ZBTB7C: variants seen among roughly 807,000 people sequenced by gnomAD.
The protein encoded by ZBTB7C is zinc finger and BTB domain containing 7C, also known as zinc finger and BTB domain-containing protein 7C.
A neutral mutation model predicts 25.7 loss-of-function variants in ZBTB7C; 8 were observed. That is an observed-to-expected ratio of 0.31 (90% CI 0.18 to 0.56). The LOEUF (loss-of-function observed/expected upper bound fraction) is 0.56. Ranked by LOEUF, ZBTB7C falls within the 20% of genes least tolerant of loss-of-function variation. ZBTB7C has a pLI of 0.91. For synonymous variants in ZBTB7C, 394 were observed against 369.0 expected (o/e 1.07, Z -0.78); for missense variants, 824 against 855.2 (o/e 0.96, Z 0.46).
intron 1 of ZBTB7C, chr18:48,350,672 C>CGGAA (rs2046843970): frequency 1.0e-5 from 1 of 95,508 alleles, no homozygotes; most frequent in Admixed American, 1.3e-4. Flanking sequence ...GGTGCCCTTC[C>CGGAA]ACCCCTGTCG....
chr18:48,399,541 G>C (rs1445282977), intron 1 of ZBTB7C, among the ~76,000 whole-genome samples: 1 of 152,124 alleles, frequency 6.6e-6, no homozygotes, highest in Admixed American at 6.5e-5. Flanking sequence ...GTGGGGTGGC[G>C]GGTGGCAGCT....
At chr18:48,118,987 T>C (rs574497998) in intron 3 of ZBTB7C, among the ~76,000 whole-genome samples, 3 of 152,294 alleles carry the variant, frequency 2.0e-5, no homozygotes, top group East Asian at 1.9e-4. Context: ...AAATTTTCTA[T>C]AATAAATTAT....
intron 3 of ZBTB7C, among the ~76,000 whole-genome samples, chr18:48,160,820 G>T (rs183204378): frequency 6.6e-6 from 1 of 152,198 alleles, no homozygotes; most frequent in South Asian, 2.1e-4. Flanking sequence ...GGGGGGCCAG[G>T]TGGCCTTCTT....
intron 2 of ZBTB7C, among the ~76,000 whole-genome samples, chr18:48,269,906 T>G (rs2044423846): frequency 6.6e-6 from 1 of 152,158 alleles, no homozygotes. Context: ...AATAACCTAG[T>G]AAATGACAAA....
chr18:48,125,689 C>A (rs181724686), intron 3 of ZBTB7C, among the ~76,000 whole-genome samples: 1 of 152,270 alleles, frequency 6.6e-6, no homozygotes, highest in Admixed American at 6.5e-5. Context: ...CAGGGAAGAA[C>A]TTTTAGACCA....
chr18:48,115,558 CACACACACAA>C (rs2039407353), intron 3 of ZBTB7C, among the ~76,000 whole-genome samples: 1 of 152,160 alleles, frequency 6.6e-6, no homozygotes, highest in Non-Finnish European at 1.5e-5. Flanking sequence ...CCTTTACACA[CACACACACAA>C]ACACACACAC....
chr18:48,399,189 C>A (rs1182870101), intron 1 of ZBTB7C, among the ~76,000 whole-genome samples: 1 of 152,170 alleles, frequency 6.6e-6, no homozygotes, highest in East Asian at 1.9e-4. Flanking sequence ...TGCACACATA[C>A]ACACATATGT....
chr18:48,333,513 A>C (rs915139624), intron 2 of ZBTB7C, among the ~76,000 whole-genome samples: 1 of 152,194 alleles, frequency 6.6e-6, no homozygotes, highest in Non-Finnish European at 1.5e-5. Context: ...ACTTAAAAGA[A>C]CTGCACTGGG....
intron 2 of ZBTB7C, among the ~76,000 whole-genome samples, chr18:48,323,087 G>T (rs1222703723): frequency 6.6e-6 from 1 of 152,066 alleles, no homozygotes; most frequent in East Asian, 1.9e-4. Context: ...CTACAAATTG[G>T]GTTCAGTGTA....
chr18:48,282,398 A>T (rs1598773449), intron 2 of ZBTB7C, among the ~76,000 whole-genome samples: 1 of 151,796 alleles, frequency 6.6e-6, no homozygotes, highest in Non-Finnish European at 1.5e-5. Flanking sequence ...CCAACATGGC[A>T]CATGTATACA....
At chr18:48,351,862 G>A (rs992093797) in intron 1 of ZBTB7C, among the ~76,000 whole-genome samples, 6 of 152,238 alleles carry the variant, frequency 3.9e-5, no homozygotes, top group South Asian at 2.1e-4. Flanking sequence ...TCCTACCCTC[G>A]GGGAGATTTC....
At chr18:48,143,341 G>C (rs1003118489) in intron 3 of ZBTB7C, among the ~76,000 whole-genome samples, 9 of 152,160 alleles carry the variant, frequency 5.9e-5, no homozygotes, top group African/African-American at 2.2e-4. Flanking sequence ...GCAGGGGAAA[G>C]ATTTAATTCT....
chr18:48,330,576 T>C (rs1568380371), intron 2 of ZBTB7C, among the ~76,000 whole-genome samples: 1 of 151,800 alleles, frequency 6.6e-6, no homozygotes, highest in Non-Finnish European at 1.5e-5. Flanking sequence ...ATGATGATGA[T>C]GATGACAAAC....
At chr18:48,165,499 C>T (rs2144983373) in intron 3 of ZBTB7C, 1 of 252,458 alleles carries the variant, frequency 4.0e-6, no homozygotes, top group Non-Finnish European at 7.9e-6. Context: ...TCAGCACCTG[C>T]TCTAGTCCTT....
intron 3 of ZBTB7C, among the ~76,000 whole-genome samples, chr18:48,134,831 A>C (rs374146215): frequency 9.2e-5 from 14 of 152,342 alleles, no homozygotes; most frequent in African/African-American, 3.4e-4. Flanking sequence ...GAAACCCACA[A>C]CTGTAAACCC....
chr18:48,308,979 C>A lies in ZBTB7C; in HGVS notation c.-79+29195G>T, dbSNP rs1461611062. On this transcript the variant is annotated intron_variant, in intron 2 of 4. Coordinates refer to ENST00000590800, the MANE Select transcript of ZBTB7C (RefSeq NM_001318841.2). The stretch of plus-strand genomic sequence containing the variant: ...TGAGGCTGGGCTGGGACCCCAGGAG[C>A]CCTACAGAAGGTGAGGTCTACCTGA... 2.6e-5 allele frequency among the ~76,000 whole-genome samples: 4 copies of A among 152,292 alleles called. No individual in the cohort carries two copies. In the East Asian group the frequency reaches 5.8e-4, roughly 22 times the overall value.
chr18:48,042,026 C>T (rs1024379518), intron 3 of ZBTB7C, among the ~76,000 whole-genome samples: 5 of 152,140 alleles, frequency 3.3e-5, no homozygotes, highest in East Asian at 1.9e-4. Flanking sequence ...AAGCAGGGCA[C>T]GACAGGGGAC....
chr18:48,119,413 C>G (rs2039552086), intron 3 of ZBTB7C, among the ~76,000 whole-genome samples: 1 of 152,252 alleles, frequency 6.6e-6, no homozygotes, highest in Non-Finnish European at 1.5e-5. Flanking sequence ...CTACTGCCAG[C>G]CCCATGCTCA....
At chr18:48,280,945 T>C (rs56175634) in intron 2 of ZBTB7C, among the ~76,000 whole-genome samples, 8,006 of 151,066 alleles carry the variant, frequency 0.053, 255 homozygotes, top group Non-Finnish European at 0.072. Flanking sequence ...CCTCTGCCTC[T>C]TGGGTTCAAG....
Sources: gnomAD v4.1 joint callset for allele counts (sites outside exome capture counted in the v4.1 genomes callset) on GRCh38, gnomAD v4.1.1 for gene constraint, MANE v1.5 for transcripts, NCBI Gene and HGNC (gene_info 2026-07-23, HGNC 2026-07-21) for gene names.